The following BRMS1L variants were observed in gnomAD, a reference collection of about 807,000 sequenced individuals.
The protein encoded by BRMS1L is breast cancer metastasis-suppressor 1-like protein.
Under a neutral mutation model 50.3 loss-of-function variants are expected in BRMS1L, and 23 were observed. That is an observed-to-expected ratio of 0.46 (90% CI 0.33 to 0.65). The LOEUF (loss-of-function observed/expected upper bound fraction) is 0.65, where lower values mean the gene tolerates loss of function less well. Among genes scored for constraint, BRMS1L ranks in the 30% least tolerant of loss-of-function variants. The pLI is 0.02. For missense variants in BRMS1L, 286 were observed against 386.1 expected, an observed-to-expected ratio of 0.74 and a Z score of 2.17; for synonymous variants, 114 against 126.9, an observed-to-expected ratio of 0.90 and a Z score of 0.69.
Position 35,863,895 on chromosome 14 carries a change from A to G in BRMS1L, c.564A>G (p.Ser188=). Residue 188 remains serine (S), a synonymous_variant, in exon 6 of 10, where the codon TCA becomes TCG. Coordinates refer to ENST00000216807, the MANE Select transcript of BRMS1L (RefSeq NM_032352.4). ...AGCTGTGGAATGATGAGCTTCAGTC[A>G]AGAAAAAAGAGGAAGGATCCTTTCA... ...TSELWNDELQ[S]RKKRKDPFSP... 6.2e-7 allele frequency: 1 copy of G among 1,614,054 alleles called. No homozygotes were observed. Among genetic ancestry groups the G allele is most frequent in the Non-Finnish European group, 8.5e-7 (1 of 1,179,972 alleles).
intron 2 of BRMS1L, among the ~76,000 whole-genome samples, chr14:35,832,730 GT>G (rs2077938995): frequency 6.6e-6 from 1 of 152,148 alleles, no homozygotes; most frequent in Non-Finnish European, 1.5e-5. Context: ...CCAAAAAGTA[GT>G]TATTTCAATT....
chr14:35,870,293 TA>T (rs2142067922), intron 9 of BRMS1L, 66 bp from the exon 10 acceptor site: 1 of 1,000,064 alleles, frequency 1.0e-6, no homozygotes, highest in Non-Finnish European at 1.5e-6. Context: ...TTTATATAGG[TA>T]ATAATCTAAA....
At chr14:35,841,344 G>A (rs1343460460) in intron 4 of BRMS1L, among the ~76,000 whole-genome samples, 1 of 150,688 alleles carries the variant, frequency 6.6e-6, no homozygotes, top group African/African-American at 2.4e-5. Context: ...ATGGAGTCTT[G>A]CTCTGTCCCC....
At chr14:35,851,577 G>C (rs1349947486) in intron 4 of BRMS1L, among the ~76,000 whole-genome samples, 1 of 152,180 alleles carries the variant, frequency 6.6e-6, no homozygotes, top group Non-Finnish European at 1.5e-5. Context: ...TTTCTTTTAA[G>C]AATTCCTTGG....
At chr14:35,848,092 A>G (rs1052604280) in intron 4 of BRMS1L, among the ~76,000 whole-genome samples, 1 of 152,190 alleles carries the variant, frequency 6.6e-6, no homozygotes. Context: ...GCTGGATCAT[A>G]TGATATTTTT....
At chr14:35,839,384 G>A (rs1481250330) in intron 4 of BRMS1L, among the ~76,000 whole-genome samples, 1 of 152,112 alleles carries the variant, frequency 6.6e-6, no homozygotes, top group Non-Finnish European at 1.5e-5. Context: ...GAAATTTAAA[G>A]TATTTTTTTC....
intron 4 of BRMS1L, among the ~76,000 whole-genome samples, chr14:35,843,789 C>T (rs1203904353): frequency 1.3e-5 from 2 of 152,242 alleles, no homozygotes; most frequent in Admixed American, 6.5e-5. Flanking sequence ...CGCCCATAGC[C>T]ACGCCTTCCC....
chr14:35,826,988 C>A lies in BRMS1L; in HGVS notation c.142+330C>A, dbSNP rs552717055. ...CTGGAAATGCCTCCTCTCCCCAGCC[C>A]ACCGACCTCTTTCCCTATTTTCACC... is the stretch of plus-strand genomic sequence containing the variant. On this transcript the variant is annotated intron_variant, in intron 1 of 9. Coordinates refer to ENST00000216807, the MANE Select transcript of BRMS1L (RefSeq NM_032352.4). Among the ~76,000 whole-genome samples the A allele has an allele frequency of 5.9e-5, 9 of 152,302 alleles. No homozygotes were observed. The South Asian group carries it at 1.7e-3, about 28-fold the overall frequency.
At chr14:35,834,545 G>A (rs2077967375) in intron 3 of BRMS1L, among the ~76,000 whole-genome samples, 1 of 152,218 alleles carries the variant, frequency 6.6e-6, no homozygotes, top group South Asian at 2.1e-4. Flanking sequence ...CACAGGAAAA[G>A]AGTTTTATTT....
At chr14:35,837,011 G>A (rs1056051844) in intron 4 of BRMS1L, among the ~76,000 whole-genome samples, 1 of 151,838 alleles carries the variant, frequency 6.6e-6, no homozygotes, top group South Asian at 2.1e-4. Context: ...AATTGTAAAT[G>A]GGAGTTCACT....
intron 5 of BRMS1L, 33 bp from the exon 6 acceptor site, chr14:35,863,837 C>T: frequency 6.4e-7 from 1 of 1,572,656 alleles, no homozygotes; most frequent in South Asian, 1.2e-5. Context: ...TCACCAGAAA[C>T]CCACTAATAC....
intron 4 of BRMS1L, among the ~76,000 whole-genome samples, chr14:35,839,190 G>C (rs1244663534): frequency 1.3e-5 from 2 of 152,064 alleles, no homozygotes; most frequent in South Asian, 4.1e-4. Context: ...TAGGTGTGTG[G>C]CATTATTTCT....
intron 4 of BRMS1L, among the ~76,000 whole-genome samples, chr14:35,845,969 C>T (rs2078128237): frequency 6.6e-6 from 1 of 152,166 alleles, no homozygotes; most frequent in Non-Finnish European, 1.5e-5. Flanking sequence ...GTAGATAGAA[C>T]TCATTTTGGT....
chr14:35,832,313 G>A lies in BRMS1L; in HGVS notation c.234-665G>A, dbSNP rs528449767. Among the ~76,000 whole-genome samples the A allele has an allele frequency of 1.4e-3, 208 of 148,404 alleles. 1 individual carries two copies. The highest frequency in any genetic ancestry group is 1.7e-3 in the South Asian group (8 of 4,708). ...TGGTCAGGAGATCGAGACCATCCTGGCTAACACGGTGAAACCCCGTCTCTA... is the reference window on the plus strand; with the variant it reads ...TGGTCAGGAGATCGAGACCATCCTGACTAACACGGTGAAACCCCGTCTCTA... On this transcript the variant is annotated intron_variant, in intron 2 of 9. Transcript: ENST00000216807.
chr14:35,835,819 TG>T (rs2077984645), intron 4 of BRMS1L, among the ~76,000 whole-genome samples: 2 of 152,200 alleles, frequency 1.3e-5, no homozygotes, highest in African/African-American at 4.8e-5. Flanking sequence ...TTCTGCAGCC[TG>T]GGTAACAGAG....
intron 1 of BRMS1L, among the ~76,000 whole-genome samples, chr14:35,827,485 A>G (rs2077860655): frequency 6.6e-6 from 1 of 152,218 alleles, no homozygotes; most frequent in African/African-American, 2.4e-5. Flanking sequence ...GATTTTGGTC[A>G]TGTAAAGGAA....
intron 4 of BRMS1L, among the ~76,000 whole-genome samples, chr14:35,853,480 C>T (rs976998312): frequency 2.0e-5 from 3 of 151,894 alleles, no homozygotes; most frequent in Non-Finnish European, 2.9e-5. Context: ...GTGGTGTGAT[C>T]GTGGCTCACT....
chr14:35,870,056 GTTT>G (rs61062353), intron 9 of BRMS1L, among the ~76,000 whole-genome samples: 34 of 136,368 alleles, frequency 2.5e-4, no homozygotes, highest in African/African-American at 8.8e-4. Context: ...TTTAGCTCCA[GTTT>G]TTTTTTTTTT....
At chr14:35,834,748 A>G in intron 3 of BRMS1L, 96 bp from the exon 4 acceptor site, 1 of 794,846 alleles carries the variant, frequency 1.3e-6, no homozygotes, top group East Asian at 3.2e-5. Context: ...TTCTTGATCC[A>G]TCTTATTAAA....
Sources: gnomAD v4.1 joint callset for allele counts (sites outside exome capture counted in the v4.1 genomes callset) on GRCh38, gnomAD v4.1.1 for gene constraint, MANE v1.5 for transcripts, NCBI Gene and HGNC (gene_info 2026-07-23, HGNC 2026-07-21) for gene names.